Variants in RC3H2 observed in about 807,000 individuals in gnomAD.
The protein encoded by RC3H2 is roquin-2.
A neutral mutation model predicts 133.3 loss-of-function variants in RC3H2; 31 were observed. The observed-to-expected ratio is 0.23, with a 90% CI of 0.17 to 0.31. The LOEUF is 0.31. Among genes scored for constraint, RC3H2 ranks in the 10% least tolerant of loss-of-function variants. The pLI, the probability that RC3H2 is intolerant of heterozygous loss-of-function variation, is 1.00. For missense variants in RC3H2, 1,175 were observed against 1,437.2 expected (o/e 0.82, Z 2.95); for synonymous variants, 517 against 502.2 (o/e 1.03, Z -0.40).
chr9:122,870,405 CAAACAAA>C (rs1192961452), intron 9 of RC3H2, among the ~76,000 whole-genome samples: 2 of 70,000 alleles, frequency 2.9e-5, no homozygotes, highest in East Asian at 4.9e-4. Flanking sequence ...AACAAACAAA[CAAACAAA>C]CAAAAAAAAA....
intron 2 of RC3H2, among the ~76,000 whole-genome samples, chr9:122,894,161 A>T (rs1231403767): frequency 6.6e-6 from 1 of 152,058 alleles, no homozygotes; most frequent in Non-Finnish European, 1.5e-5. Flanking sequence ...CCAGAGGCTG[A>T]GGCAGGAGAA....
At chr9:122,882,808 C>A (rs149996105) in intron 5 of RC3H2, among the ~76,000 whole-genome samples, 99 of 152,264 alleles carry the variant, frequency 6.5e-4, no homozygotes, top group Middle Eastern at 3.4e-3. Context: ...TTAATCTAAT[C>A]ACTACAGAGA....
intron 9 of RC3H2, among the ~76,000 whole-genome samples, chr9:122,866,868 C>T (rs1396692426): frequency 6.7e-6 from 1 of 149,404 alleles, no homozygotes; most frequent in Non-Finnish European, 1.5e-5. Flanking sequence ...GGCCGCCTAT[C>T]GTCTGGGACG....
At chr9:122,853,846 C>T (rs376995909) in intron 18 of RC3H2, 106 bp downstream of exon 18, 1 of 1,592,514 alleles carries the variant, frequency 6.3e-7, no homozygotes, top group South Asian at 1.1e-5. Flanking sequence ...ATCAATCATC[C>T]ATCAGAGATA....
chr9:122,881,630 T>A (rs574530871), intron 5 of RC3H2, among the ~76,000 whole-genome samples: 1 of 152,154 alleles, frequency 6.6e-6, no homozygotes, highest in Non-Finnish European at 1.5e-5. Context: ...TTGGATATTA[T>A]TATGAAGGGA....
intron 4 of RC3H2, among the ~76,000 whole-genome samples, chr9:122,889,736 T>C (rs1346596397): frequency 1.3e-5 from 2 of 152,238 alleles, no homozygotes; most frequent in Non-Finnish European, 2.9e-5. Flanking sequence ...GTTTTCTAAT[T>C]TGTAAAACTG....
intron 4 of RC3H2, among the ~76,000 whole-genome samples, chr9:122,889,135 C>T (rs530262705): frequency 2.8e-4 from 42 of 152,070 alleles, no homozygotes; most frequent in Middle Eastern, 3.4e-3. Context: ...ATGTTTGTTA[C>T]GTAATTTATA....
At chr9:122,885,184 T>C (rs1044877611) in intron 4 of RC3H2, among the ~76,000 whole-genome samples, 6 of 152,168 alleles carry the variant, frequency 3.9e-5, no homozygotes, top group African/African-American at 1.4e-4. Flanking sequence ...CTAAATACTT[T>C]AGTTTTAAAG....
At chr9:122,856,123 A>G (rs1830238975) in intron 13 of RC3H2, among the ~76,000 whole-genome samples, 3 of 152,170 alleles carry the variant, frequency 2.0e-5, no homozygotes, top group Admixed American at 2.0e-4. Context: ...ATACTATCAA[A>G]ACCAATTAAC....
At chr9:122,897,050 AG>A (rs1458866084) in intron 2 of RC3H2, among the ~76,000 whole-genome samples, 4 of 142,540 alleles carry the variant, frequency 2.8e-5, no homozygotes, top group Non-Finnish European at 6.0e-5. Context: ...AAAAAAAAAA[AG>A]GCCACATAAG....
At position 122,849,773 on chromosome 9, in the gene RC3H2, G is replaced by A. The variant is rs1240526522; in HGVS notation, c.3430C>T (p.Leu1144Phe). 6.3e-7 allele frequency: 1 copy of A among 1,594,180 alleles called. No individual in the cohort carries two copies. The highest frequency in any genetic ancestry group is 8.5e-7 in the Non-Finnish European group (1 of 1,171,350). The stretch of plus-strand genomic sequence containing the variant: ...CTTGCATTGCTAATAGACACTGGGA[G>A]TGGCTGGCTAAAGCAAGAAGTTACC... ...LPVTSCFSQPLPVSISNASCL... is the reference protein window; with the variant it reads ...LPVTSCFSQPFPVSISNASCL... The change falls in exon 21 of 21, where the codon CTC becomes TTC. Residue 1144 changes from leucine to phenylalanine, a missense_variant. Around this residue, in one of 8 missense-constraint regions of RC3H2, gnomAD observed 220 missense variants for 201.1 expected, o/e 1.09. Coordinates refer to ENST00000357244, the MANE Select transcript of RC3H2 (RefSeq NM_001100588.3).
intron 10 of RC3H2, among the ~76,000 whole-genome samples, chr9:122,862,138 ATG>A (rs1481375346): frequency 6.6e-6 from 1 of 152,200 alleles, no homozygotes; most frequent in African/African-American, 2.4e-5. Flanking sequence ...AACAAGATCC[ATG>A]ATAAGGTCAA....
At chr9:122,883,103 A>G in intron 5 of RC3H2, 101 bp downstream of exon 5, 1 of 1,080,026 alleles carries the variant, frequency 9.3e-7, no homozygotes, top group African/African-American at 1.6e-5. Context: ...AACTCTTGTA[A>G]GCATTCTGCA....
At chr9:122,879,350 C>T (rs911971131) in intron 8 of RC3H2, among the ~76,000 whole-genome samples, 6 of 151,446 alleles carry the variant, frequency 4.0e-5, no homozygotes, top group South Asian at 2.1e-4. Flanking sequence ...GCTGAGATAG[C>T]GTCACTGCAC....
intron 15 of RC3H2, 53 bp downstream of exon 15, chr9:122,855,131 A>AGGC: frequency 7.5e-7 from 1 of 1,339,334 alleles, no homozygotes; most frequent in African/African-American, 1.5e-5. Context: ...AAAAAAAAAA[A>AGGC]AAAGGCATAG....
chr9:122,880,901 A>C, intron 5 of RC3H2, 107 bp from the exon 6 acceptor site: 2 of 741,936 alleles, frequency 2.7e-6, no homozygotes, highest in Non-Finnish European at 2.3e-6. Context: ...CATATCAGAC[A>C]CCACAGAAAT....
At chr9:122,852,310 C>T (rs1428574094) in intron 18 of RC3H2, among the ~76,000 whole-genome samples, 1,158 of 109,468 alleles carry the variant, frequency 0.011, no homozygotes, top group Middle Eastern at 0.025. Flanking sequence ...GCAGCCGCCC[C>T]GTCTGAGAAG....
chr9:122,851,439 A>G lies in RC3H2; in HGVS notation c.3118-3T>C. 1.9e-6 allele frequency: 3 copies of G among 1,613,558 alleles called. No homozygotes were observed. Among genetic ancestry groups the G allele is most frequent in the Non-Finnish European group, 2.5e-6 (3 of 1,179,766 alleles). ...TCTTCTGTATAATCACTCTGTAACT[A>G]AGAAAAATACTGATTTTGCTCTCCC... On this transcript the variant is annotated splice_polypyrimidine_tract_variant and splice_region_variant and intron_variant, in intron 18 of 20. Transcript: ENST00000357244.
At position 122,858,880 on chromosome 9, in the gene RC3H2, T is replaced by C; in HGVS notation, c.2072A>G (p.Tyr691Cys). The C allele has an allele frequency of 1.2e-6, 2 of 1,614,274 alleles. No homozygotes were observed. Among genetic ancestry groups the C allele is most frequent in the Non-Finnish European group, 1.7e-6 (2 of 1,180,056 alleles). The change falls in exon 12 of 21, where the codon TAT (tyrosine) becomes TGT (cysteine). Residue 691 changes from tyrosine to cysteine, a missense_variant. Tyr to Cys is a radical substitution (Grantham distance 194). Around this residue, in one of 8 missense-constraint regions of RC3H2, gnomAD observed 490 missense variants for 492.8 expected, o/e 0.99. Transcript: ENST00000357244. ...GPVPPVPSGMYAPVYDSRRIW... is the reference protein window; with the variant it reads ...GPVPPVPSGMCAPVYDSRRIW... ...GCGCCTGCTGTCGTACACAGGAGCA[T>C]ACATTCCAGAAGGTACTGGAGGAAC...
Sources: allele counts gnomAD v4.1 joint callset (sites outside exome capture counted in the v4.1 genomes callset), GRCh38; gene constraint gnomAD v4.1.1; regional missense constraint gnomAD v4.1.1; transcripts MANE v1.5; gene names NCBI Gene and HGNC (gene_info 2026-07-23, HGNC 2026-07-21).